The following CHODL variants were observed in gnomAD, a reference collection of about 807,000 sequenced individuals.
The protein encoded by CHODL is chondrolectin, also known as transmembrane protein MT75.
Under a neutral mutation model 34.5 loss-of-function variants are expected in CHODL, and 29 were observed. That is an observed-to-expected ratio of 0.84 (90% CI 0.63 to 1.15). CHODL has a LOEUF of 1.15. Among genes scored for constraint, CHODL ranks in the 50% most tolerant of loss-of-function variants. The pLI is 0.00. For missense variants in CHODL, 332 were observed against 332.5 expected, an observed-to-expected ratio of 1.00 and a Z score of 0.01; for synonymous variants, 125 against 116.1, an observed-to-expected ratio of 1.08 and a Z score of -0.49.
intron 1 of CHODL, among the ~76,000 whole-genome samples, chr21:17,959,853 A>G (rs1944422643): frequency 6.6e-6 from 1 of 152,322 alleles, no homozygotes; most frequent in South Asian, 2.1e-4. Flanking sequence ...TCTAACAAAT[A>G]CACTCAGTGT....
Position 17,985,036 on chromosome 21 carries a change from A to G in CHODL, c.-144-42836A>G, listed in dbSNP as rs201258244. 1.2e-4 allele frequency among the ~76,000 whole-genome samples: 18 copies of G among 152,212 alleles called. No homozygotes were observed. In the East Asian group the frequency reaches 2.1e-3, roughly 18 times the overall value. Reference sequence around the variant, plus strand: ...CTGTTTATTAGTCTTCGTTGTCACAAATTTCCAGGTGAAATTGAGTCATTT... The same window carrying G: ...CTGTTTATTAGTCTTCGTTGTCACAGATTTCCAGGTGAAATTGAGTCATTT... On this transcript the variant is annotated intron_variant, in intron 1 of 6. Coordinates refer to the CHODL transcript ENST00000400127.
chr21:18,193,534 A>G (rs2073538914), intron 2 of CHODL, among the ~76,000 whole-genome samples: 1 of 151,610 alleles, frequency 6.6e-6, no homozygotes, highest in South Asian at 2.1e-4. Context: ...TCTCTACTAA[A>G]AAAATACAAA....
At chr21:18,112,107 A>G (rs2065358287) in intron 2 of CHODL, among the ~76,000 whole-genome samples, 1 of 152,218 alleles carries the variant, frequency 6.6e-6, no homozygotes, top group African/African-American at 2.4e-5. Context: ...GGACATGTGG[A>G]CTATAATAGT....
rs529353840 is a variant in CHODL, at chr21:18,265,931, A to T, written c.738-23A>T. On this transcript the variant is annotated intron_variant, in intron 5 of 5. Coordinates refer to ENST00000299295, the MANE Select transcript of CHODL (RefSeq NM_024944.3). ...TTTAATAAGAAATTTTAGGCACTAAACATTTTTTCTTATGTTTTTCAGTAA... is the reference window on the plus strand; with the variant it reads ...TTTAATAAGAAATTTTAGGCACTAATCATTTTTTCTTATGTTTTTCAGTAA... 80 of 1,600,036 alleles carry T rather than the reference A, an allele frequency of 5.0e-5. 1 individual carries two copies. In the South Asian group the frequency reaches 8.3e-4, roughly 17 times the overall value.
chr21:18,085,816 A>T (rs780273550), intron 2 of CHODL, among the ~76,000 whole-genome samples: 4 of 152,138 alleles, frequency 2.6e-5, no homozygotes, highest in African/African-American at 7.2e-5. Context: ...AGACATTTCA[A>T]ATATAGTATG....
chr21:18,248,800 G>GTATATATGTATGTATAT (rs1240682455), intron 1 of CHODL, among the ~76,000 whole-genome samples: 2 of 116,160 alleles, frequency 1.7e-5, no homozygotes, highest in African/African-American at 7.6e-5. Flanking sequence ...GTATATGTGT[G>GTATATATGTATGTATAT]TATATATGTA....
chr21:18,238,899 C>T (rs1243280338), intron 2 of CHODL, among the ~76,000 whole-genome samples: 2 of 152,120 alleles, frequency 1.3e-5, no homozygotes, highest in Non-Finnish European at 2.9e-5. Flanking sequence ...TGACTCTTAC[C>T]TATTAGAGAA....
chr21:18,183,928 A>C (rs1310589172), intron 2 of CHODL, among the ~76,000 whole-genome samples: 1 of 152,202 alleles, frequency 6.6e-6, no homozygotes, highest in East Asian at 1.9e-4. Context: ...ATTGTTTTTT[A>C]GCCTGAAAAC....
chr21:17,923,285 T>C (rs949153662), intron 1 of CHODL, among the ~76,000 whole-genome samples: 2 of 152,070 alleles, frequency 1.3e-5, no homozygotes, highest in African/African-American at 4.8e-5. Flanking sequence ...CTTTTTTTTT[T>C]TCCTGCCAAA....
chr21:17,997,056 C>G (rs2063857009), intron 1 of CHODL, among the ~76,000 whole-genome samples: 1 of 152,040 alleles, frequency 6.6e-6, no homozygotes, highest in South Asian at 2.1e-4. Context: ...GAACATTGAA[C>G]AAATAAGACT....
intron 1 of CHODL, among the ~76,000 whole-genome samples, chr21:17,936,263 A>G (rs1450524628): frequency 6.6e-6 from 1 of 152,206 alleles, no homozygotes; most frequent in African/African-American, 2.4e-5. Flanking sequence ...GAAGGCTTGA[A>G]AGACCTTGGT....
intron 2 of CHODL, among the ~76,000 whole-genome samples, chr21:18,070,780 C>G (rs976421339): frequency 6.6e-6 from 1 of 152,086 alleles, no homozygotes; most frequent in African/African-American, 2.4e-5. Context: ...CTCAACTCCC[C>G]ATAACTTCAA....
intron 2 of CHODL, among the ~76,000 whole-genome samples, chr21:18,126,584 G>T (rs1275349890): frequency 6.6e-6 from 1 of 151,146 alleles, no homozygotes; most frequent in African/African-American, 2.4e-5. Flanking sequence ...ATGAACACGG[G>T]ATATCTTTTC....
chr21:17,926,994 G>GCACA (rs1370688214), intron 1 of CHODL, among the ~76,000 whole-genome samples: 1 of 149,152 alleles, frequency 6.7e-6, no homozygotes, highest in South Asian at 2.1e-4. Flanking sequence ...ACACACACAC[G>GCACA]CACACACACA....
At chr21:17,958,941 A>G (rs2063512491) in intron 1 of CHODL, among the ~76,000 whole-genome samples, 1 of 152,052 alleles carries the variant, frequency 6.6e-6, no homozygotes, top group Non-Finnish European at 1.5e-5. Flanking sequence ...TCTGGCTGAC[A>G]CTACACTGTC....
intron 1 of CHODL, among the ~76,000 whole-genome samples, chr21:18,002,444 T>A (rs1346700094): frequency 6.6e-6 from 1 of 152,216 alleles, no homozygotes; most frequent in Non-Finnish European, 1.5e-5. Context: ...TCTCTTTAAT[T>A]TTTTAAAAAC....
At chr21:17,996,945 T>C (rs1483021481) in intron 1 of CHODL, among the ~76,000 whole-genome samples, 1 of 152,146 alleles carries the variant, frequency 6.6e-6, no homozygotes, top group Non-Finnish European at 1.5e-5. Flanking sequence ...ATTAGCTAAA[T>C]ACATATTACT....
chr21:18,106,458 T>G (rs1356571419), intron 2 of CHODL, among the ~76,000 whole-genome samples: 1 of 152,068 alleles, frequency 6.6e-6, no homozygotes, highest in Non-Finnish European at 1.5e-5. Flanking sequence ...TGAAATATTT[T>G]TTGTTACTAG....
At chr21:18,046,658 A>G (rs966305901) in intron 2 of CHODL, among the ~76,000 whole-genome samples, 20 of 151,996 alleles carry the variant, frequency 1.3e-4, no homozygotes, top group African/African-American at 2.9e-4. Context: ...ATCCAAATGG[A>G]AATTTTAGAT....
Sources: allele counts gnomAD v4.1 joint callset (sites outside exome capture counted in the v4.1 genomes callset), GRCh38; gene constraint gnomAD v4.1.1; transcripts MANE v1.5; gene names NCBI Gene and HGNC (gene_info 2026-07-23, HGNC 2026-07-21).